Variants in EMG1 observed in about 807,000 individuals in gnomAD.
EMG1 encodes EMG1 N1-specific pseudouridine methyltransferase.
Under a neutral mutation model 26.9 loss-of-function variants are expected in EMG1, and 24 were observed. The observed-to-expected ratio is 0.89, with a 90% CI of 0.65 to 1.26. EMG1 has a LOEUF of 1.26. EMG1 is among the 50% of genes most tolerant of loss of function. The probability of loss-of-function intolerance (pLI) is 0.00; values close to 1 mark genes in which losing one functional copy is unlikely to be tolerated. For missense variants in EMG1, 299 were observed against 307.6 expected (o/e 0.97, Z 0.21); for synonymous variants, 140 against 112.6 (o/e 1.24, Z -1.54).
At chr12:6,982,016 TTAA>T, downstream of EMG1, 2 of 664,008 alleles carry the variant, frequency 3.0e-6, no homozygotes, top group Non-Finnish European at 5.4e-6. Context: ...ATTAAAAGCC[TTAA>T]TAAATTCCTA....
At position 6,976,663 on chromosome 12, in the gene EMG1, C is replaced by T. The variant is rs142410829; in HGVS notation, c.*854C>T. 260 of 154,248 alleles carry T rather than the reference C, an allele frequency of 1.7e-3. No homozygotes were observed. The South Asian group carries it at 0.03, about 18-fold the overall frequency. 9.6% of individuals were successfully genotyped at this position (154,248 alleles called of 1,614,324 possible). The stretch of plus-strand genomic sequence containing the variant: ...ACTTGAACCCAGGAGGTGGAGGTTG[C>T]GGTGAGCTGAGATCCCGCCACTGCA... On this transcript the variant is annotated 3_prime_UTR_variant, in exon 6 of 6. Coordinates refer to ENST00000599672, the MANE Select transcript of EMG1 (RefSeq NM_006331.8).
downstream of EMG1, chr12:6,981,919 A>G (rs1555154148): frequency 1.5e-6 from 2 of 1,362,768 alleles, no homozygotes; most frequent in South Asian, 2.3e-5. Context: ...GAGAGGCAGA[A>G]GTATTTATTC....
chr12:6,974,075 T>C (rs1555152620), intron 1 of EMG1, among the ~76,000 whole-genome samples: 1 of 152,218 alleles, frequency 6.6e-6, no homozygotes, highest in Non-Finnish European at 1.5e-5. Context: ...TAATGTGAAG[T>C]CACAGGTTGT....
downstream of EMG1, among the ~76,000 whole-genome samples, chr12:6,983,941 G>A (rs1185068720): frequency 6.6e-6 from 1 of 152,066 alleles, no homozygotes; most frequent in Non-Finnish European, 1.5e-5. Context: ...CGAGGAGTTC[G>A]ACACCAGCCT....
At chr12:6,982,619 C>G, downstream of EMG1, 1 of 1,322,268 alleles carries the variant, frequency 7.6e-7, no homozygotes, top group Non-Finnish European at 1.1e-6. Context: ...CCTGCCTACC[C>G]CTGTCCCCTG....
At chr12:6,989,170 T>TTTTGATTG (rs1295882634), downstream of EMG1, among the ~76,000 whole-genome samples, 1 of 152,028 alleles carries the variant, frequency 6.6e-6, no homozygotes, top group Non-Finnish European at 1.5e-5. Flanking sequence ...TGTTCCTTCT[T>TTTTGATTG]TTTGATTGTT....
chr12:6,977,486 G>T lies in EMG1; in HGVS notation c.*1677G>T. 6.2e-7 allele frequency: 1 copy of T among 1,614,230 alleles called. No homozygotes were observed. Among genetic ancestry groups the T allele is most frequent in the Non-Finnish European group, 8.5e-7 (1 of 1,180,046 alleles). The stretch of plus-strand genomic sequence containing the variant: ...GGCTGGAGGACAGTAATGGCGGCCA[G>T]CTTGCTCAGGGTGGGGCTCTCTTGA... On this transcript the variant is annotated 3_prime_UTR_variant, in exon 6 of 6. Transcript: ENST00000599672. The surrounding 1 kb of genome is among the most constrained non-coding windows in gnomAD (Gnocchi z 4.5).
intron 6 of EMG1, among the ~76,000 whole-genome samples, chr12:6,986,471 G>GT (rs1946526949): frequency 6.6e-6 from 1 of 152,066 alleles, no homozygotes; most frequent in East Asian, 1.9e-4. Flanking sequence ...TCTATTAGTA[G>GT]TTAAGTTTTT....
In EMG1 at chr12:6,978,175, T is replaced by G; in HGVS notation, c.*2366T>G. On this transcript the variant is annotated 3_prime_UTR_variant, in exon 6 of 6. Transcript: ENST00000599672. ...TTTTTCAAATATGACAGTAATGGTT[T>G]TTTTGGGAGGGGGGTATAGGTGGGG... 2.6e-6 allele frequency: 2 copies of G among 762,292 alleles called. No homozygotes were observed. The highest frequency in any genetic ancestry group is 4.2e-6 in the Non-Finnish European group (2 of 480,016). 47.2% of individuals were successfully genotyped at this position (762,292 alleles called of 1,614,324 possible).
In EMG1 at chr12:6,976,154, TG is replaced by T; in HGVS notation, c.*346del. 4.8e-6 allele frequency: 1 copy of T among 209,752 alleles called. No homozygotes were observed. The highest frequency in any genetic ancestry group is 9.6e-6 in the Non-Finnish European group (1 of 104,456). 13.0% of individuals were successfully genotyped at this position (209,752 alleles called of 1,614,324 possible). On this transcript the variant is annotated 3_prime_UTR_variant, in exon 6 of 6. Coordinates refer to ENST00000599672, the MANE Select transcript of EMG1 (RefSeq NM_006331.8). ...GAGAACCCTGATGATGGAGAAGAAC[TG>T]TGAAAGAGAGCAGTCAGGAATGCTA...
chr12:6,989,313 G>GTTTT (rs113013257), downstream of EMG1, among the ~76,000 whole-genome samples: 1 of 126,462 alleles, frequency 7.9e-6, no homozygotes. Flanking sequence ...CAAAATGCGT[G>GTTTT]TTTTTTTTTT....
chr12:6,974,900 G>A (rs1451866532), intron 3 of EMG1, 190 bp from the exon 4 acceptor site: 1 of 797,808 alleles, frequency 1.3e-6, no homozygotes, highest in Non-Finnish European at 2.0e-6. Flanking sequence ...AGTGAAAGAG[G>A]GAGTCTGAAC....
chr12:6,997,064 T>A (rs1263078841), intron 7 of EMG1, among the ~76,000 whole-genome samples: 1 of 152,218 alleles, frequency 6.6e-6, no homozygotes, highest in Non-Finnish European at 1.5e-5. Flanking sequence ...AAATTAAAGA[T>A]GTTTATGCCA....
At chr12:6,980,405 AGT>A (rs1804579660), downstream of EMG1, among the ~76,000 whole-genome samples, 1 of 152,156 alleles carries the variant, frequency 6.6e-6, no homozygotes, top group Admixed American at 6.5e-5. Flanking sequence ...AATGGAGTGC[AGT>A]GGTGTGATCA....
chr12:6,978,074 G>C lies in EMG1; in HGVS notation c.*2265G>C, dbSNP rs1055255470. 4 of 564,630 alleles carry C rather than the reference G, an allele frequency of 7.1e-6. No homozygotes were observed. The highest frequency in any genetic ancestry group is 3.8e-5 in the African/African-American group (2 of 53,274). The allele number at this position is 564,630 out of a possible 1,614,324, so 35.0% of individuals were successfully genotyped here. Reference sequence around the variant, plus strand: ...AAACAAGTAAAGCTGTTGATAAACAGGGCAGTGGAGGACATAAGTCCATTG... The same window carrying C: ...AAACAAGTAAAGCTGTTGATAAACACGGCAGTGGAGGACATAAGTCCATTG... On this transcript the variant is annotated 3_prime_UTR_variant, in exon 6 of 6. Transcript: ENST00000599672.
In EMG1 at chr12:6,979,539, A is replaced by G; in HGVS notation, c.*3730A>G. On this transcript the variant is annotated 3_prime_UTR_variant, in exon 6 of 6. Coordinates refer to ENST00000599672, the MANE Select transcript of EMG1 (RefSeq NM_006331.8). The stretch of plus-strand genomic sequence containing the variant: ...CTGAGCAGTGTGTAGCCCACTAGGT[A>G]GAAAAGGCCCAGACTCAGGCGCTTG... 1.2e-6 allele frequency: 2 copies of G among 1,614,120 alleles called. No homozygotes were observed. The highest frequency in any genetic ancestry group is 2.2e-5 in the East Asian group (1 of 44,884).
chr12:6,981,597 G>C (rs1555154087), downstream of EMG1: 3 of 1,613,960 alleles, frequency 1.9e-6, no homozygotes, highest in Non-Finnish European at 2.5e-6. Context: ...GTACTTACCT[G>C]ATCTTTCCCT....
chr12:6,977,703 G>C lies in EMG1; in HGVS notation c.*1894G>C, dbSNP rs1555153488. On this transcript the variant is annotated 3_prime_UTR_variant, in exon 6 of 6. Coordinates refer to ENST00000599672, the MANE Select transcript of EMG1 (RefSeq NM_006331.8). This position sits in a 1 kb window ranked among gnomAD's most constrained non-coding sequence, Gnocchi z 4.5. ...GGAATAGCAACGAGAGACCCTGAGA[G>C]AGTTCTTTATTTCCAAGGAACTTGA... 2.5e-6 allele frequency: 4 copies of C among 1,614,240 alleles called. No homozygotes were observed. Among genetic ancestry groups the C allele is most frequent in the African/African-American group, 1.3e-5 (1 of 75,070 alleles).
downstream of EMG1, among the ~76,000 whole-genome samples, chr12:6,989,496 G>A (rs1037631070): frequency 3.9e-5 from 6 of 151,920 alleles, no homozygotes; most frequent in African/African-American, 4.8e-5. Flanking sequence ...ATTTTTAGTA[G>A]AGACAGGGTT....
Sources: gnomAD v4.1 joint callset for allele counts (sites outside exome capture counted in the v4.1 genomes callset) on GRCh38, gnomAD v4.1.1 for gene constraint, Gnocchi (gnomAD v3.1) non-coding constraint, MANE v1.5 for transcripts, NCBI Gene and HGNC (gene_info 2026-07-23, HGNC 2026-07-21) for gene names.